The following ACSL6 variants were observed in gnomAD, a reference collection of about 807,000 sequenced individuals.
ACSL6 encodes acyl-CoA synthetase long chain family member 6, also known as long-chain-fatty-acid--CoA ligase 6.
Under a neutral mutation model 98.2 loss-of-function variants are expected in ACSL6, and 47 were observed. The ratio of observed to expected loss-of-function variants is 0.48; its 90% CI spans 0.38 to 0.61. The LOEUF (loss-of-function observed/expected upper bound fraction) is 0.61. Ranked by LOEUF, ACSL6 falls within the 20% of genes least tolerant of loss-of-function variation. The probability of loss-of-function intolerance (pLI) is 0.00; values close to 1 mark genes in which losing one functional copy is unlikely to be tolerated. For synonymous variants in ACSL6, 362 were observed against 336.9 expected (o/e 1.07, Z -0.82); for missense variants, 761 against 913.4 (o/e 0.83, Z 2.15).
At chr5:132,002,139 G>A (rs1755118953) in intron 1 of ACSL6, among the ~76,000 whole-genome samples, 2 of 152,180 alleles carry the variant, frequency 1.3e-5, no homozygotes. Context: ...CAGCAGGCAG[G>A]ACCCTAGGAA....
chr5:132,006,796 T>C (rs979019553), intron 1 of ACSL6: 1 of 152,216 alleles, frequency 6.6e-6, no homozygotes, highest in African/African-American at 2.4e-5. Flanking sequence ...CCTCCTTCTA[T>C]TCCAGGCTGC....
chr5:132,005,038 G>C (rs1044125973), intron 1 of ACSL6, among the ~76,000 whole-genome samples: 2 of 152,154 alleles, frequency 1.3e-5, no homozygotes, highest in African/African-American at 4.8e-5. Flanking sequence ...TGTAATCCCA[G>C]CTACATGGGA....
intron 15 of ACSL6, 60 bp from the exon 16 acceptor site, chr5:131,968,088 T>C: frequency 6.7e-7 from 1 of 1,481,924 alleles, no homozygotes; most frequent in Non-Finnish European, 9.4e-7. Context: ...GCACTGAAGA[T>C]GTTCCAAGCC....
At position 131,957,919 on chromosome 5, in the gene ACSL6, C is replaced by T. The variant is rs151284808; in HGVS notation, c.2031+1617G>A. ...GAGAACAGAGAAAATCAAAAGGCGACAGCCTTGGCAATAAAACTAAAGGCC... is the reference window on the plus strand; with the variant it reads ...GAGAACAGAGAAAATCAAAAGGCGATAGCCTTGGCAATAAAACTAAAGGCC... On this transcript the variant is annotated intron_variant, in intron 20 of 20. Coordinates refer to ENST00000651883, the MANE Select transcript of ACSL6 (RefSeq NM_001009185.3). Among the ~76,000 whole-genome samples, 699 of 152,270 alleles carry T rather than the reference C, an allele frequency of 4.6e-3. 5 individuals carry two copies. Among genetic ancestry groups the T allele is most frequent in the African/African-American group, 0.016 (662 of 41,550 alleles).
In ACSL6 at chr5:131,974,949, C is replaced by G; in HGVS notation, c.1012G>C (p.Asp338His). 6.2e-7 allele frequency: 1 copy of G among 1,613,986 alleles called. No homozygotes were observed. The highest frequency in any genetic ancestry group is 8.5e-7 in the Non-Finnish European group (1 of 1,179,978). The change falls in exon 11 of 21, where the codon GAC becomes CAC. Residue 338 changes from aspartate to histidine, a missense_variant. Physicochemically the swap from Asp to His is moderately conservative, Grantham distance 81. Coordinates refer to ENST00000651883, the MANE Select transcript of ACSL6 (RefSeq NM_001009185.3). Reference protein sequence around the residue: ...VTEKVIFPRQDDVLISFLPLA... With the variant: ...VTEKVIFPRQHDVLISFLPLA... ...GGCAGGAAGGAGATGAGCACATCGT[C>G]CTGTCTCGGAAAGATCACTTTCTGC...
At chr5:131,977,988 C>T (rs547518874) in intron 9 of ACSL6, among the ~76,000 whole-genome samples, 3 of 152,334 alleles carry the variant, frequency 2.0e-5, no homozygotes, top group African/African-American at 4.8e-5. Context: ...ACCTAACACC[C>T]GAGCTAACTC....
At chr5:131,986,204 A>T (rs1284978105) in intron 8 of ACSL6, among the ~76,000 whole-genome samples, 1 of 152,172 alleles carries the variant, frequency 6.6e-6, no homozygotes, top group Non-Finnish European at 1.5e-5. Flanking sequence ...GAGATGGGCA[A>T]ACACCAGGAG....
intron 15 of ACSL6, among the ~76,000 whole-genome samples, chr5:131,969,368 G>T (rs1580641355): frequency 6.6e-6 from 1 of 151,946 alleles, no homozygotes; most frequent in Non-Finnish European, 1.5e-5. Context: ...AATTATAGTT[G>T]AATAAAACCT....
chr5:131,950,360 A>T lies in ACSL6; in HGVS notation c.*3874T>A, dbSNP rs2149664183. ...AACCACTAATGTGTTCTAACTGAAG[A>T]GTTTCTCATTTGGGGTATTGACCTT... is the stretch of plus-strand genomic sequence containing the variant. On this transcript the variant is annotated 3_prime_UTR_variant, in exon 21 of 21. Transcript: ENST00000651883. The T allele has an allele frequency of 4.9e-6, 1 of 205,332 alleles. No individual in the cohort carries two copies. The highest frequency in any genetic ancestry group is 7.4e-5 in the East Asian group (1 of 13,460). The allele number at this position is 205,332 out of a possible 1,614,324, so 12.7% of individuals were successfully genotyped here.
chr5:131,958,520 A>C (rs1314388409), intron 20 of ACSL6, among the ~76,000 whole-genome samples: 2 of 152,346 alleles, frequency 1.3e-5, no homozygotes, highest in African/African-American at 4.8e-5. Context: ...ATTGCCCTAA[A>C]ACATACTGAC....
chr5:131,952,427 G>C lies in ACSL6; in HGVS notation c.*1807C>G, dbSNP rs1299043566. 1 of 211,916 alleles carries C rather than the reference G, an allele frequency of 4.7e-6. No homozygotes were observed. The highest frequency in any genetic ancestry group is 2.3e-5 in the African/African-American group (1 of 44,144). 13.1% of individuals were successfully genotyped at this position (211,916 alleles called of 1,614,324 possible). A position where few individuals can be genotyped will look rare whatever the true frequency, so the allele number is the denominator to read the frequency against. ...TCACTGATGCATATTTATTCAGTAGGCCCATGTGATTATGTGGTTTTTAAC... is the reference window on the plus strand; with the variant it reads ...TCACTGATGCATATTTATTCAGTAGCCCCATGTGATTATGTGGTTTTTAAC... On this transcript the variant is annotated 3_prime_UTR_variant, in exon 21 of 21. Coordinates refer to ENST00000651883, the MANE Select transcript of ACSL6 (RefSeq NM_001009185.3).
At chr5:131,967,390 A>G (rs1168906592) in intron 16 of ACSL6, among the ~76,000 whole-genome samples, 1 of 151,982 alleles carries the variant, frequency 6.6e-6, no homozygotes, top group African/African-American at 2.4e-5. Flanking sequence ...AGGGCCAGGC[A>G]CGGTGGCTCA....
At chr5:132,005,397 T>A (rs951101679) in intron 1 of ACSL6, among the ~76,000 whole-genome samples, 5 of 152,182 alleles carry the variant, frequency 3.3e-5, no homozygotes, top group Non-Finnish European at 7.3e-5. Context: ...GAGTCTACTT[T>A]CTCCATACTG....
intron 2 of ACSL6, among the ~76,000 whole-genome samples, chr5:131,991,979 A>G (rs896144877): frequency 6.6e-6 from 1 of 152,204 alleles, no homozygotes; most frequent in Non-Finnish European, 1.5e-5. Flanking sequence ...AATCAGACCC[A>G]GTTGCACTTG....
chr5:131,994,105 C>T lies in ACSL6; in HGVS notation c.196G>A (p.Ala66Thr), dbSNP rs983277981. ...TTTGGCCGGTGAGTGAACCAGTAGG[C>T]AAGGATGGCAGCCAGGGCACCCATA... ...VSMGALAAIL[A>T]YWFTHRPKAL... Residue 66 changes from alanine (A) to threonine (T), a missense_variant, in exon 2 of 21, where the codon GCC becomes ACC. Coordinates refer to ENST00000651883, the MANE Select transcript of ACSL6 (RefSeq NM_001009185.3). 1.2e-6 allele frequency: 2 copies of T among 1,614,200 alleles called. No homozygotes were observed. The highest frequency in any genetic ancestry group is 1.1e-5 in the South Asian group (1 of 91,080).
intron 3 of ACSL6, 101 bp from the exon 4 acceptor site, chr5:131,990,265 T>A: frequency 1.7e-6 from 2 of 1,203,110 alleles, no homozygotes; most frequent in South Asian, 1.3e-5. Context: ...CATACTGTAG[T>A]GTGTCCATGG....
intron 1 of ACSL6, 127 bp from the exon 2 acceptor site, chr5:131,994,378 C>G: frequency 5.1e-6 from 4 of 784,192 alleles, no homozygotes; most frequent in Non-Finnish European, 8.1e-6. Context: ...TTGGGATGTA[C>G]AGAGTGCACC....
At chr5:131,972,002 C>T (rs374237643) in intron 13 of ACSL6, among the ~76,000 whole-genome samples, 1 of 152,186 alleles carries the variant, frequency 6.6e-6, no homozygotes, top group South Asian at 2.1e-4. Context: ...AAAACAATTA[C>T]TTAGGACAAT....
chr5:131,982,819 G>C (rs966990615), intron 9 of ACSL6: 1 of 152,134 alleles, frequency 6.6e-6, no homozygotes, highest in African/African-American at 2.4e-5. Context: ...CTCAGTGGCC[G>C]GGTAACCCAT....
Sources: allele counts gnomAD v4.1 joint callset (sites outside exome capture counted in the v4.1 genomes callset), GRCh38; gene constraint gnomAD v4.1.1; transcripts MANE v1.5; gene names NCBI Gene and HGNC (gene_info 2026-07-23, HGNC 2026-07-21).